CAMKK1: variants seen among roughly 807,000 people sequenced by gnomAD.
CAMKK1 encodes calcium/calmodulin dependent protein kinase kinase 1, also known as calcium/calmodulin-dependent protein kinase kinase 1.
A neutral mutation model predicts 63.5 loss-of-function variants in CAMKK1; 20 were observed. That is an observed-to-expected ratio of 0.32 (90% CI 0.22 to 0.46). The LOEUF is 0.46. CAMKK1 is among the 20% of genes least tolerant of loss of function. The pLI, the probability that CAMKK1 is intolerant of heterozygous loss-of-function variation, is 1.00. For synonymous variants in CAMKK1, 253 were observed against 269.0 expected (o/e 0.94, Z 0.58); for missense variants, 588 against 658.1 (o/e 0.89, Z 1.17).
rs1426273804 is a variant in CAMKK1 at position 3,884,366 on chromosome 17, C to A, written c.408+14G>T. 1 of 1,613,752 alleles carries A rather than the reference C, an allele frequency of 6.2e-7. No individual in the cohort carries two copies. The highest frequency in any genetic ancestry group is 8.5e-7 in the Non-Finnish European group (1 of 1,179,762). On this transcript the variant is annotated intron_variant, in intron 3 of 15. Coordinates refer to ENST00000348335, the MANE Select transcript of CAMKK1 (RefSeq NM_032294.3). The surrounding 1 kb of genome is among the most constrained non-coding windows in gnomAD (Gnocchi z 4.5). ...TCCCGAAGCCCCCACTGCTCTCGGC[C>A]TGCCCACTCCTACCTTGCCAATCTC...
intron 9 of CAMKK1, among the ~76,000 whole-genome samples, chr17:3,877,106 C>G (rs1404656486): frequency 6.6e-6 from 1 of 152,086 alleles, no homozygotes; most frequent in Admixed American, 6.6e-5. Context: ...CTGTGAGTGC[C>G]GTCTGCAGGC....
chr17:3,880,940 G>C (rs572935777), intron 8 of CAMKK1, among the ~76,000 whole-genome samples: 1 of 152,288 alleles, frequency 6.6e-6, no homozygotes, highest in Admixed American at 6.5e-5. Context: ...ACATTTGAAA[G>C]CCTCCAAGTC....
intron 12 of CAMKK1, among the ~76,000 whole-genome samples, chr17:3,870,808 G>A (rs2054814540): frequency 1.3e-5 from 2 of 152,154 alleles, no homozygotes; most frequent in Admixed American, 6.5e-5. Flanking sequence ...CCTGGGCTGA[G>A]GGGAAAGACA....
chr17:3,871,333 G>GTTTTTTTTTTTTGTTTTTTT (rs2054840271), intron 12 of CAMKK1, among the ~76,000 whole-genome samples: 1 of 111,004 alleles, frequency 9.0e-6, no homozygotes, highest in Non-Finnish European at 1.9e-5. Flanking sequence ...GTTGTTTTTT[G>GTTTTTTTTTTTTGTTTTTTT]TTTTTTTTTT....
intron 11 of CAMKK1, among the ~76,000 whole-genome samples, chr17:3,872,926 G>T (rs2054958457): frequency 6.6e-6 from 1 of 152,226 alleles, no homozygotes; most frequent in South Asian, 2.1e-4. Flanking sequence ...TCCACTCCCA[G>T]GGCCTGGGGC....
At chr17:3,871,346 TG>T (rs373768345) in intron 12 of CAMKK1, among the ~76,000 whole-genome samples, 44 of 44,486 alleles carry the variant, frequency 9.9e-4, no homozygotes, top group African/African-American at 5.1e-3. Flanking sequence ...TTTTTTTTTT[TG>T]TTTTTTTTTT....
At position 3,884,334 on chromosome 17, in the gene CAMKK1, C is replaced by G. The variant is rs762062516; in HGVS notation, c.408+46G>C. 2.0e-5 allele frequency: 32 copies of G among 1,600,620 alleles called. No individual in the cohort carries two copies. Among genetic ancestry groups the G allele is most frequent in the African/African-American group, 1.1e-4 (8 of 74,612 alleles). On this transcript the variant is annotated intron_variant, in intron 3 of 15. Transcript: ENST00000348335. This position sits in a 1 kb window ranked among gnomAD's most constrained non-coding sequence, Gnocchi z 4.5. ...ACACGAGAGAAGGAGCAGCGCCAAA[C>G]AGAGAATCCCGAAGCCCCCACTGCT...
At chr17:3,868,431 CCTAA>C (rs1017346110) in intron 14 of CAMKK1, among the ~76,000 whole-genome samples, 8 of 86,796 alleles carry the variant, frequency 9.2e-5, no homozygotes, top group Non-Finnish European at 1.3e-4. Flanking sequence ...ACAGGTGCTG[CCTAA>C]CTGATACGTG....
chr17:3,882,260 A>T lies in CAMKK1; in HGVS notation c.685+268T>A. On this transcript the variant is annotated intron_variant, in intron 7 of 15. Coordinates refer to ENST00000348335, the MANE Select transcript of CAMKK1 (RefSeq NM_032294.3). The surrounding 1 kb of genome is among the most constrained non-coding windows in gnomAD (Gnocchi z 4.3). ...GCAGCCTGCTTCCTGCATCTACCTG[A>T]GCGCGCAGCCCACGTGGATCCACTG... 1 of 1,610,510 alleles carries T rather than the reference A, an allele frequency of 6.2e-7. No homozygotes were observed. The highest frequency in any genetic ancestry group is 1.3e-5 in the African/African-American group (1 of 74,944).
intron 8 of CAMKK1, among the ~76,000 whole-genome samples, chr17:3,881,411 T>G (rs573096698): frequency 6.6e-6 from 1 of 152,252 alleles, no homozygotes; most frequent in Non-Finnish European, 1.5e-5. Context: ...TCAAAATCCG[T>G]CCCCTTTTCC....
chr17:3,873,836 C>T (rs1312467050), intron 10 of CAMKK1, among the ~76,000 whole-genome samples: 1 of 152,138 alleles, frequency 6.6e-6, no homozygotes, highest in African/African-American at 2.4e-5. Context: ...CCAGCTCGGG[C>T]TTCAAGGAGT....
intron 9 of CAMKK1, among the ~76,000 whole-genome samples, chr17:3,876,760 T>G (rs1249650796): frequency 2.8e-5 from 3 of 108,754 alleles, no homozygotes; most frequent in East Asian, 8.1e-4. Context: ...TTTTTTGGTT[T>G]TTTTTTTTTT....
In CAMKK1 at chr17:3,876,368, C is replaced by T; in HGVS notation, c.851G>A (p.Gly284Glu). The change falls in exon 10 of 16, where the codon GGG becomes GAG. Residue 284 changes from glycine to glutamate, a missense_variant. Transcript: ENST00000348335. Reference protein sequence around the residue: ...RDIKPSNLLLGDDGHVKIADF... With the variant: ...RDIKPSNLLLEDDGHVKIADF... ...GGCGATCTTCACGTGCCCATCATCC[C>T]CCAGGAGCAGGTTGGATGGCTTGAT... The T allele has an allele frequency of 6.2e-7, 1 of 1,614,224 alleles. No individual in the cohort carries two copies. The highest frequency in any genetic ancestry group is 2.2e-5 in the East Asian group (1 of 44,890).
In CAMKK1 at chr17:3,876,353, A is replaced by T; in HGVS notation, c.866T>A (p.Val289Glu). The change falls in exon 10 of 16, where the codon GTG (valine) becomes GAG (glutamate). Residue 289 changes from valine to glutamate, a missense_variant. By Grantham distance (121) the Val-to-Glu change is moderately radical. Transcript: ENST00000348335. ...SNLLLGDDGHVKIADFGVSNQ... is the reference protein window; with the variant it reads ...SNLLLGDDGHEKIADFGVSNQ... Reference sequence around the variant, plus strand: ...GCTGACGCCAAAGTCGGCGATCTTCACGTGCCCATCATCCCCCAGGAGCAG... The same window carrying T: ...GCTGACGCCAAAGTCGGCGATCTTCTCGTGCCCATCATCCCCCAGGAGCAG... 1 of 1,614,156 alleles carries T rather than the reference A, an allele frequency of 6.2e-7. No individual in the cohort carries two copies. Among genetic ancestry groups the T allele is most frequent in the Non-Finnish European group, 8.5e-7 (1 of 1,180,012 alleles).
chr17:3,884,336 G>C lies in CAMKK1; in HGVS notation c.408+44C>G, dbSNP rs773515685. On this transcript the variant is annotated intron_variant, in intron 3 of 15. Transcript: ENST00000348335. The surrounding 1 kb of genome is among the most constrained non-coding windows in gnomAD (Gnocchi z 4.5). ...ACGAGAGAAGGAGCAGCGCCAAACA[G>C]AGAATCCCGAAGCCCCCACTGCTCT... 1.2e-6 allele frequency: 2 copies of C among 1,601,934 alleles called. No homozygotes were observed. Among genetic ancestry groups the C allele is most frequent in the South Asian group, 1.1e-5 (1 of 90,738 alleles).
Position 3,890,151 on chromosome 17 carries a change from T to C in CAMKK1, c.-44+2788A>G, listed in dbSNP as rs1337425074. Among the ~76,000 whole-genome samples the C allele has an allele frequency of 6.6e-6, 1 of 152,222 alleles. No individual in the cohort carries two copies. The highest frequency in any genetic ancestry group is 1.9e-4 in the East Asian group (1 of 5,194). On this transcript the variant is annotated intron_variant, in intron 1 of 15. Coordinates refer to ENST00000348335, the MANE Select transcript of CAMKK1 (RefSeq NM_032294.3). This position sits in a 1 kb window ranked among gnomAD's most constrained non-coding sequence, Gnocchi z 6.5. ...CTCACTGGAGCTGTGTTTATGATCC[T>C]GGCGAGTATCTGGATGGCCCTGGCA...
At position 3,868,011 on chromosome 17, in the gene CAMKK1, T is replaced by A. The variant is rs60171083; in HGVS notation, c.1341+1476A>T. On this transcript the variant is annotated intron_variant, in intron 14 of 15. Transcript: ENST00000348335. ...GGCACCGTCTAACTGATACGCGGGC[T>A]CTGGGGGAGAAGCAGGCGCCGTCTA... Among the ~76,000 whole-genome samples the A allele has an allele frequency of 7.3e-3, 919 of 126,234 alleles. 79 individuals are homozygous for A. Among genetic ancestry groups the A allele is most frequent in the African/African-American group, 0.028 (791 of 28,560 alleles). 82.8% of individuals were successfully genotyped at this position (126,234 alleles called of 152,430 possible).
At chr17:3,868,756 G>A (rs913914399) in intron 14 of CAMKK1, among the ~76,000 whole-genome samples, 30 of 150,920 alleles carry the variant, frequency 2.0e-4, no homozygotes, top group Non-Finnish European at 3.5e-4. Context: ...AGGTTCAAGC[G>A]ATTCTCCTGC....
Position 3,883,815 on chromosome 17 carries a change from C to T in CAMKK1, c.462+69G>A, listed in dbSNP as rs1481530732. On this transcript the variant is annotated intron_variant, in intron 4 of 15. Transcript: ENST00000348335. The surrounding 1 kb of genome is among the most constrained non-coding windows in gnomAD (Gnocchi z 4.7). ...CCTGTCCTCTATCTCCTAAGCACAACTCCTGCCCCACCCCTCAGGCTTCCA... is the reference window on the plus strand; with the variant it reads ...CCTGTCCTCTATCTCCTAAGCACAATTCCTGCCCCACCCCTCAGGCTTCCA... The T allele has an allele frequency of 2.0e-6, 3 of 1,517,816 alleles. No individual in the cohort carries two copies. In the Admixed American group the frequency reaches 5.0e-5, roughly 25 times the overall value. 94.0% of individuals were successfully genotyped at this position (1,517,816 alleles called of 1,614,324 possible).
Sources: gnomAD v4.1 joint callset for allele counts (sites outside exome capture counted in the v4.1 genomes callset) on GRCh38, gnomAD v4.1.1 for gene constraint, Gnocchi (gnomAD v3.1) non-coding constraint, MANE v1.5 for transcripts, NCBI Gene and HGNC (gene_info 2026-07-23, HGNC 2026-07-21) for gene names.